CHRM2: variants seen among roughly 807,000 people sequenced by gnomAD.
The protein encoded by CHRM2 is muscarinic acetylcholine receptor M2.
CHRM2 carries 8 observed loss-of-function variants against 25.0 expected under a neutral mutation model. That is an observed-to-expected ratio of 0.32 (90% CI 0.19 to 0.58). The LOEUF (loss-of-function observed/expected upper bound fraction) is 0.58, where lower values mean the gene tolerates loss of function less well. Among genes scored for constraint, CHRM2 ranks in the 20% least tolerant of loss-of-function variants. The pLI, the probability that CHRM2 is intolerant of heterozygous loss-of-function variation, is 0.88. For synonymous variants in CHRM2, 202 were observed against 205.7 expected (o/e 0.98, Z 0.15); for missense variants, 440 against 567.1 (o/e 0.78, Z 2.28).
intron 2 of CHRM2, among the ~76,000 whole-genome samples, chr7:136,949,459 TAA>T (rs386411435): frequency 1.2e-4 from 15 of 120,786 alleles, no homozygotes; most frequent in East Asian, 2.6e-4. Flanking sequence ...TCTGCAAAAC[TAA>T]AAAAAAAAAA....
chr7:136,980,429 C>A (rs1802407368), intron 2 of CHRM2, among the ~76,000 whole-genome samples: 1 of 152,122 alleles, frequency 6.6e-6, no homozygotes, highest in South Asian at 2.1e-4. Context: ...TTTGAATATC[C>A]TTTATTTATT....
chr7:136,922,197 T>C (rs1798486298), intron 2 of CHRM2, among the ~76,000 whole-genome samples: 1 of 152,236 alleles, frequency 6.6e-6, no homozygotes, highest in Non-Finnish European at 1.5e-5. Flanking sequence ...AACTTTGGTG[T>C]CATCCTTGAC....
chr7:136,938,610 C>A, intron 2 of CHRM2: 1 of 879,734 alleles, frequency 1.1e-6, no homozygotes, highest in South Asian at 1.3e-5. Context: ...CTGCTGCTGT[C>A]CACTCGGGAG....
At chr7:137,003,473 TACACAC>T (rs57626583) in intron 3 of CHRM2, among the ~76,000 whole-genome samples, 204 of 136,850 alleles carry the variant, frequency 1.5e-3, no homozygotes, top group Middle Eastern at 3.8e-3. Context: ...CATGCATGCA[TACACAC>T]ACACACACAC....
chr7:136,937,974 G>C (rs189325772), intron 2 of CHRM2, among the ~76,000 whole-genome samples: 2 of 152,282 alleles, frequency 1.3e-5, no homozygotes, highest in Admixed American at 1.3e-4. Flanking sequence ...AATGAAGCCT[G>C]ATGGCTTTGC....
chr7:136,872,801 G>A (rs145632869), intron 2 of CHRM2, among the ~76,000 whole-genome samples: 227 of 152,272 alleles, frequency 1.5e-3, no homozygotes, highest in Non-Finnish European at 3.0e-3. Context: ...AGACGGAATG[G>A]GAGAGAGAAA....
chr7:137,018,183 G>A lies in CHRM2; in HGVS notation c.*1917G>A, dbSNP rs1483697919. On this transcript the variant is annotated 3_prime_UTR_variant, in exon 4 of 4. Transcript: ENST00000680005. ...CACCTCAACATTTTGGAGAGTTAAG[G>A]AGGAAAAAAAGCATGAGGGAAAAAA... 6.6e-6 allele frequency: 1 copy of A among 150,848 alleles called. No homozygotes were observed. The highest frequency in any genetic ancestry group is 2.0e-4 in the East Asian group (1 of 5,116). The allele number at this position is 150,848 out of a possible 1,614,324, so 9.3% of individuals were successfully genotyped here.
At chr7:136,955,349 G>T (rs530626823) in intron 2 of CHRM2, among the ~76,000 whole-genome samples, 1 of 152,198 alleles carries the variant, frequency 6.6e-6, no homozygotes, top group East Asian at 1.9e-4. Context: ...TTACTCTGGG[G>T]CTTCAACTTA....
intron 2 of CHRM2, among the ~76,000 whole-genome samples, chr7:136,886,798 A>G (rs7800282): frequency 1 from 152,020 of 152,298 alleles, 75,872 homozygotes; most frequent in Middle Eastern, 1. Context: ...TTGAGCCCCC[A>G]GCAGGTCGAG....
At chr7:137,012,018 C>G (rs939326691) in intron 3 of CHRM2, among the ~76,000 whole-genome samples, 2 of 152,038 alleles carry the variant, frequency 1.3e-5, no homozygotes, top group African/African-American at 4.8e-5. Flanking sequence ...ATTCATTATT[C>G]TCCAGAGGAA....
chr7:136,950,280 C>T (rs1800329083), intron 2 of CHRM2, among the ~76,000 whole-genome samples: 1 of 152,102 alleles, frequency 6.6e-6, no homozygotes, highest in African/African-American at 2.4e-5. Context: ...CTCATCAGGA[C>T]AAGTGTGGGT....
rs1011369418 is a variant in CHRM2, at chr7:137,017,428, A to T, written c.*1162A>T. The T allele has an allele frequency of 6.6e-6, 1 of 151,926 alleles. No individual in the cohort carries two copies. The highest frequency in any genetic ancestry group is 1.5e-5 in the Non-Finnish European group (1 of 67,934). 9.4% of individuals were successfully genotyped at this position (151,926 alleles called of 1,614,324 possible). A position where few individuals can be genotyped will look rare whatever the true frequency, so the allele number is the denominator to read the frequency against. On this transcript the variant is annotated 3_prime_UTR_variant, in exon 4 of 4. Transcript: ENST00000680005. ...AATCCTAAACAGGATTAACATACTC[A>T]CATAGCACCAGTGATTTCTGGGCCA...
chr7:136,980,800 T>C (rs1802435618), intron 2 of CHRM2, among the ~76,000 whole-genome samples: 1 of 152,202 alleles, frequency 6.6e-6, no homozygotes, highest in South Asian at 2.1e-4. Context: ...GCTGACTTGA[T>C]CATAGTGGAT....
intron 2 of CHRM2, among the ~76,000 whole-genome samples, chr7:136,978,367 A>G (rs1165270305): frequency 6.6e-6 from 1 of 152,228 alleles, no homozygotes; most frequent in East Asian, 1.9e-4. Flanking sequence ...ATGTTAATAC[A>G]TATGCTTTGA....
intron 2 of CHRM2, among the ~76,000 whole-genome samples, chr7:136,900,324 T>G (rs1797127960): frequency 6.6e-6 from 1 of 152,100 alleles, no homozygotes; most frequent in African/African-American, 2.4e-5. Context: ...TTAACTATTT[T>G]TTTTAATATT....
At chr7:136,992,692 G>A (rs540448570) in intron 3 of CHRM2, among the ~76,000 whole-genome samples, 38 of 152,178 alleles carry the variant, frequency 2.5e-4, no homozygotes, top group African/African-American at 8.2e-4. Context: ...TTTATAGAAC[G>A]TAACTACCAT....
At chr7:137,010,980 C>T (rs924170203) in intron 3 of CHRM2, among the ~76,000 whole-genome samples, 2 of 151,836 alleles carry the variant, frequency 1.3e-5, no homozygotes, top group African/African-American at 4.8e-5. Context: ...TACTCATTAG[C>T]TTTGTGATTG....
At chr7:137,000,547 A>AGAAGGAAGGAAG (rs780148176) in intron 3 of CHRM2, among the ~76,000 whole-genome samples, 17,046 of 95,058 alleles carry the variant, frequency 0.18, 2,036 homozygotes, top group African/African-American at 0.22. Context: ...AAAGAAAGAA[A>AGAAGGAAGGAAG]GAAGGAAGGA....
At chr7:136,967,618 G>A (rs1409111636) in intron 2 of CHRM2, among the ~76,000 whole-genome samples, 2 of 151,906 alleles carry the variant, frequency 1.3e-5, no homozygotes, top group Non-Finnish European at 2.9e-5. Context: ...CCAACTTGAG[G>A]ACTGTAATTT....
Sources: allele counts gnomAD v4.1 joint callset (sites outside exome capture counted in the v4.1 genomes callset), GRCh38; gene constraint gnomAD v4.1.1; transcripts MANE v1.5; gene names NCBI Gene and HGNC (gene_info 2026-07-23, HGNC 2026-07-21).